Variants in MGAT4C observed in about 807,000 individuals in gnomAD.
MGAT4C encodes MGAT4 family member C, also known as alpha-1,3-mannosyl-glycoprotein 4-beta-N-acetylglucosaminyltransferase C.
Under a neutral mutation model 40.1 loss-of-function variants are expected in MGAT4C, and 19 were observed. That is an observed-to-expected ratio of 0.47 (90% confidence interval 0.33 to 0.70). MGAT4C has a LOEUF of 0.70. Ranked by LOEUF, MGAT4C falls within the 30% of genes least tolerant of loss-of-function variation. The probability of loss-of-function intolerance (pLI) is 0.02; values close to 1 mark genes in which losing one functional copy is unlikely to be tolerated. For missense variants in MGAT4C, 491 were observed against 563.2 expected, an observed-to-expected ratio of 0.87 and a Z score of 1.30; for synonymous variants, 181 against 187.1, an observed-to-expected ratio of 0.97 and a Z score of 0.27.
chr12:86,408,479 C>CTCTATATATATATATATA (rs1267344319), intron 3 of MGAT4C, among the ~76,000 whole-genome samples: 1 of 63,344 alleles, frequency 1.6e-5, no homozygotes, highest in East Asian at 5.6e-4. Flanking sequence ...CTCTCTCTCT[C>CTCTATATATATATATATA]TATATATATA....
At chr12:86,356,307 C>T (rs1043306085) in intron 3 of MGAT4C, among the ~76,000 whole-genome samples, 14 of 152,192 alleles carry the variant, frequency 9.2e-5, no homozygotes, top group Middle Eastern at 3.4e-3. Context: ...TTAATCTAAC[C>T]GTATCAATAA....
intron 4 of MGAT4C, among the ~76,000 whole-genome samples, chr12:86,304,202 T>C (rs895128858): frequency 1.3e-5 from 2 of 150,648 alleles, no homozygotes; most frequent in African/African-American, 5.0e-5. Context: ...ATAAAAATTG[T>C]TTTCAGCTTT....
intron 2 of MGAT4C, among the ~76,000 whole-genome samples, chr12:86,458,252 A>G (rs1592871472): frequency 1.3e-5 from 2 of 152,274 alleles, no homozygotes; most frequent in East Asian, 3.9e-4. Flanking sequence ...AAAAATTTTT[A>G]TGTTGTTCTA....
intron 3 of MGAT4C, among the ~76,000 whole-genome samples, chr12:86,365,281 T>C (rs1955567355): frequency 6.6e-6 from 1 of 152,224 alleles, no homozygotes; most frequent in South Asian, 2.1e-4. Flanking sequence ...ATCTCTCTTG[T>C]TCCCTGAACA....
intron 2 of MGAT4C, among the ~76,000 whole-genome samples, chr12:86,549,861 A>G (rs1260860761): frequency 6.6e-6 from 1 of 152,194 alleles, no homozygotes; most frequent in Non-Finnish European, 1.5e-5. Flanking sequence ...CCCCACTTAG[A>G]TTGACCCAGA....
chr12:86,308,342 T>TAAAAC (rs1232397577), intron 4 of MGAT4C, among the ~76,000 whole-genome samples: 5 of 150,664 alleles, frequency 3.3e-5, no homozygotes, highest in Non-Finnish European at 7.4e-5. Flanking sequence ...AGCAACACTA[T>TAAAAC]TCCTGCTGTG....
At chr12:86,816,904 T>G (rs1952617967) in intron 1 of MGAT4C, among the ~76,000 whole-genome samples, 1 of 151,342 alleles carries the variant, frequency 6.6e-6, no homozygotes, top group African/African-American at 2.4e-5. Context: ...TAATCCTATA[T>G]CACTAATAAT....
intron 4 of MGAT4C, among the ~76,000 whole-genome samples, chr12:86,333,023 A>C (rs1954707019): frequency 6.6e-6 from 1 of 152,060 alleles, no homozygotes; most frequent in African/African-American, 2.4e-5. Context: ...GAGTCTGACG[A>C]CCCCTGAATA....
intron 1 of MGAT4C, among the ~76,000 whole-genome samples, chr12:86,803,153 A>G (rs901743263): frequency 3.3e-5 from 5 of 149,754 alleles, no homozygotes; most frequent in African/African-American, 4.9e-5. Context: ...TGAGAAAAAC[A>G]AGCAATGGGG....
chr12:86,677,823 T>A (rs186338356), intron 2 of MGAT4C, among the ~76,000 whole-genome samples: 7 of 152,144 alleles, frequency 4.6e-5, no homozygotes, highest in Non-Finnish European at 7.4e-5. Context: ...TTTAGCCATG[T>A]TAATTTTCAA....
Position 86,335,878 on chromosome 12 carries a change from G to A in MGAT4C, c.-119-1751C>T, listed in dbSNP as rs4491314. Among the ~76,000 whole-genome samples, 149 of 152,074 alleles carry A rather than the reference G, an allele frequency of 9.8e-4. 1 individual carries two copies. The highest frequency in any genetic ancestry group is 3.2e-3 in the African/African-American group (133 of 41,498). On this transcript the variant is annotated intron_variant, in intron 3 of 7. Coordinates refer to the MGAT4C transcript ENST00000548651. ...TGGTCCAAAATACTCTTAATCTCCC[G>A]CTTTAAGGTCCATATATACCTCTAA... is the stretch of plus-strand genomic sequence containing the variant.
At chr12:86,697,763 A>G (rs991849633) in intron 2 of MGAT4C, among the ~76,000 whole-genome samples, 1 of 152,150 alleles carries the variant, frequency 6.6e-6, no homozygotes, top group African/African-American at 2.4e-5. Flanking sequence ...AATGATGATG[A>G]CAGTGACAAA....
chr12:86,128,350 A>C (rs1290803324), intron 1 of MGAT4C, among the ~76,000 whole-genome samples: 1 of 152,092 alleles, frequency 6.6e-6, no homozygotes, highest in East Asian at 1.9e-4. Flanking sequence ...AATTTGAATC[A>C]TGGGGGCAGT....
intron 1 of MGAT4C, among the ~76,000 whole-genome samples, chr12:86,110,045 A>G (rs1017545820): frequency 1.3e-5 from 2 of 151,108 alleles, no homozygotes; most frequent in Non-Finnish European, 2.9e-5. Context: ...TGTAAAAGTT[A>G]TAACTTCAGG....
At chr12:86,093,817 G>A (rs1053042174) in intron 1 of MGAT4C, among the ~76,000 whole-genome samples, 2 of 152,048 alleles carry the variant, frequency 1.3e-5, no homozygotes, top group Non-Finnish European at 2.9e-5. Flanking sequence ...CCTGGGAAAC[G>A]TTTCATGTTT....
chr12:86,156,851 A>C (rs1180907689), intron 1 of MGAT4C, among the ~76,000 whole-genome samples: 2 of 152,138 alleles, frequency 1.3e-5, no homozygotes, highest in Non-Finnish European at 1.5e-5. Context: ...TTAACTCAAA[A>C]ATTTATTTTT....
chr12:86,247,080 T>C (rs906723883), intron 1 of MGAT4C, among the ~76,000 whole-genome samples: 3 of 152,200 alleles, frequency 2.0e-5, no homozygotes, highest in African/African-American at 7.2e-5. Context: ...ACTATCTGTG[T>C]GTTACAAATG....
chr12:86,659,889 A>G (rs1306627598), intron 2 of MGAT4C, among the ~76,000 whole-genome samples: 1 of 151,886 alleles, frequency 6.6e-6, no homozygotes, highest in East Asian at 1.9e-4. Context: ...TGCTGGGGGA[A>G]TTAAATGCTG....
At chr12:86,238,587 T>A (rs933522882) in intron 1 of MGAT4C, among the ~76,000 whole-genome samples, 5 of 152,048 alleles carry the variant, frequency 3.3e-5, no homozygotes, top group Non-Finnish European at 7.4e-5. Flanking sequence ...GATCTAAATT[T>A]GTATTGTATG....
Sources: allele counts gnomAD v4.1 joint callset (sites outside exome capture counted in the v4.1 genomes callset), GRCh38; gene constraint gnomAD v4.1.1; transcripts MANE v1.5; gene names NCBI Gene and HGNC (gene_info 2026-07-23, HGNC 2026-07-21).